The following SHLD1 variants were observed in gnomAD, a reference collection of about 807,000 sequenced individuals.
SHLD1 encodes the protein shieldin complex subunit 1.
SHLD1 carries 3 observed loss-of-function variants against 5.5 expected under a neutral mutation model. The ratio of observed to expected loss-of-function variants is 0.54; its 90% CI spans 0.25 to 1.40. The LOEUF (loss-of-function observed/expected upper bound fraction) is 1.40, where lower values mean the gene tolerates loss of function less well. Ranked by LOEUF, SHLD1 falls within the 40% of genes most tolerant of loss-of-function variation. The pLI is 0.15. For missense variants in SHLD1, 210 were observed against 244.4 expected (o/e 0.86, Z 0.94); for synonymous variants, 92 against 94.3 (o/e 0.98, Z 0.14).
chr20:5,844,130 G>A (rs1467249591), intron 2 of SHLD1, among the ~76,000 whole-genome samples: 3 of 152,204 alleles, frequency 2.0e-5, no homozygotes, highest in African/African-American at 7.2e-5. Flanking sequence ...AGGCATGGGT[G>A]TTGAGAGTGA....
chr20:5,778,849 A>G (rs910613664), intron 2 of SHLD1, among the ~76,000 whole-genome samples: 1 of 152,198 alleles, frequency 6.6e-6, no homozygotes, highest in Non-Finnish European at 1.5e-5. Context: ...ACAGCATGGA[A>G]GGCTGTTGAT....
chr20:5,850,603 C>T (rs937010729), intron 2 of SHLD1, among the ~76,000 whole-genome samples: 4 of 150,660 alleles, frequency 2.7e-5, no homozygotes, highest in South Asian at 2.1e-4. Flanking sequence ...CTCCACCTCC[C>T]GGGTTCAAGC....
intron 2 of SHLD1, among the ~76,000 whole-genome samples, chr20:5,816,453 A>G (rs1008457147): frequency 6.6e-6 from 1 of 152,238 alleles, no homozygotes; most frequent in African/African-American, 2.4e-5. Flanking sequence ...ATTTGGGTGC[A>G]TGAGAGATTC....
At chr20:5,816,104 A>AG (rs1373340115) in intron 2 of SHLD1, among the ~76,000 whole-genome samples, 51 of 149,556 alleles carry the variant, frequency 3.4e-4, no homozygotes, top group Non-Finnish European at 6.3e-4. Context: ...AAAAAAAAAA[A>AG]AAAGAAAGAA....
chr20:5,756,278 C>G (rs575205596), intron 1 of SHLD1, among the ~76,000 whole-genome samples: 1 of 151,736 alleles, frequency 6.6e-6, no homozygotes, highest in South Asian at 2.1e-4. Flanking sequence ...TAGTGAGACC[C>G]CCATCTTTAC....
chr20:5,824,026 C>T (rs2087638021), intron 2 of SHLD1, among the ~76,000 whole-genome samples: 1 of 152,218 alleles, frequency 6.6e-6, no homozygotes. Context: ...CAGAATGTCA[C>T]TTCCACCTGC....
At chr20:5,776,852 G>C (rs1380361649) in intron 2 of SHLD1, among the ~76,000 whole-genome samples, 1 of 152,064 alleles carries the variant, frequency 6.6e-6, no homozygotes, top group Non-Finnish European at 1.5e-5. Context: ...CTCTGGGTGT[G>C]ATAATTGCTC....
rs915722793 is a variant in SHLD1, at chr20:5,857,211, G to C, written c.179-5813G>C. On this transcript the variant is annotated intron_variant, in intron 2 of 2. Coordinates refer to ENST00000303142, the MANE Select transcript of SHLD1 (RefSeq NM_152504.4). ...GGCTGGTCTCTAACTCCTGAGCTCA[G>C]GTGATCCACCCGCCTTGGCCTCCCA... Among the ~76,000 whole-genome samples, 4 of 152,266 alleles carry C rather than the reference G, an allele frequency of 2.6e-5. No homozygotes were observed. In the East Asian group the frequency reaches 7.7e-4, roughly 29 times the overall value.
chr20:5,755,786 C>T (rs1984055615), intron 1 of SHLD1, among the ~76,000 whole-genome samples: 1 of 152,100 alleles, frequency 6.6e-6, no homozygotes, highest in Non-Finnish European at 1.5e-5. Context: ...CTCAAACTCT[C>T]AACCTCAAGT....
rs1204718904 is a variant in SHLD1, at chr20:5,852,415, C to CCCTCCCTTCCTTCCTTCCTT, written c.179-10606_179-10605insCCCTTCCTTCCTTCCTTCCT. ...CTTCCTTTCCTTCCTTCCTTTCCCT[C>CCCTCCCTTCCTTCCTTCCTT]CCTTCCTTCCTTCCTTCCTTCCTTC... is the stretch of plus-strand genomic sequence containing the variant. On this transcript the variant is annotated intron_variant, in intron 2 of 2. Transcript: ENST00000303142. Among the ~76,000 whole-genome samples, 408 of 150,094 alleles carry CCCTCCCTTCCTTCCTTCCTT rather than the reference C, an allele frequency of 2.7e-3. 4 individuals carry two copies. Among genetic ancestry groups the CCCTCCCTTCCTTCCTTCCTT allele is most frequent in the African/African-American group, 9.9e-3 (398 of 40,096 alleles).
chr20:5,775,923 A>ATTTGTTTTTTTTTTTT (rs1985402376), intron 2 of SHLD1, among the ~76,000 whole-genome samples: 1 of 77,678 alleles, frequency 1.3e-5, no homozygotes, highest in Non-Finnish European at 2.4e-5. Flanking sequence ...TCAGCTCAGG[A>ATTTGTTTTTTTTTTTT]TTTTTTTTTT....
At chr20:5,811,473 A>C (rs1246892036) in intron 2 of SHLD1, among the ~76,000 whole-genome samples, 2 of 152,186 alleles carry the variant, frequency 1.3e-5, no homozygotes, top group South Asian at 4.1e-4. Flanking sequence ...AGTTCTCTAA[A>C]TAATGTATTT....
At chr20:5,849,835 TGTAGTCCCAGCTACTCGGGAGGCTG>T (rs1348578901) in intron 2 of SHLD1, among the ~76,000 whole-genome samples, 3 of 150,512 alleles carry the variant, frequency 2.0e-5, no homozygotes, top group African/African-American at 7.3e-5. Context: ...GGCGGGCGCC[TGTAGTCCCAGCTACTCGGGAGGCTG>T]AGGCAGGAGA....
intron 2 of SHLD1, among the ~76,000 whole-genome samples, chr20:5,862,152 G>A (rs896641985): frequency 2.6e-5 from 4 of 152,134 alleles, no homozygotes; most frequent in African/African-American, 9.7e-5. Flanking sequence ...GTCATGTTGG[G>A]GGTTACAGCT....
intron 2 of SHLD1, among the ~76,000 whole-genome samples, chr20:5,852,602 A>G (rs1268075721): frequency 6.6e-6 from 1 of 152,168 alleles, no homozygotes; most frequent in Admixed American, 6.5e-5. Flanking sequence ...GGCATATGCC[A>G]CCACTCCCGG....
intron 2 of SHLD1, among the ~76,000 whole-genome samples, chr20:5,856,924 C>T (rs2122505849): frequency 6.6e-6 from 1 of 152,244 alleles, no homozygotes; most frequent in African/African-American, 2.4e-5. Flanking sequence ...CTTATGTTCC[C>T]ATTTGCAATT....
chr20:5,849,517 C>T (rs903743482), intron 2 of SHLD1, among the ~76,000 whole-genome samples: 1 of 152,210 alleles, frequency 6.6e-6, no homozygotes, highest in Non-Finnish European at 1.5e-5. Flanking sequence ...TGGGACATAA[C>T]TGTGTGGTAG....
chr20:5,816,105 AAAG>A (rs1469616833), intron 2 of SHLD1, among the ~76,000 whole-genome samples: 13 of 149,270 alleles, frequency 8.7e-5, no homozygotes, highest in African/African-American at 2.0e-4. Flanking sequence ...AAAAAAAAAA[AAAG>A]AAAGAAAAAG....
intron 2 of SHLD1, among the ~76,000 whole-genome samples, chr20:5,781,063 A>G (rs190487262): frequency 1.4e-4 from 21 of 152,232 alleles, no homozygotes; most frequent in Admixed American, 1.0e-3. Flanking sequence ...GGGTAAAACT[A>G]GGCTATATAT....
Sources: allele counts gnomAD v4.1 joint callset (sites outside exome capture counted in the v4.1 genomes callset), GRCh38; gene constraint gnomAD v4.1.1; transcripts MANE v1.5; gene names NCBI Gene and HGNC (gene_info 2026-07-23, HGNC 2026-07-21).